The following SLC7A9 variants were observed in gnomAD, a reference collection of about 807,000 sequenced individuals.
The protein encoded by SLC7A9 is B(0,+)-type amino acid transporter 1.
In SLC7A9, 38 loss-of-function variants were observed where a neutral mutation model predicts 54.1. The observed-to-expected ratio is 0.70, with a 90% CI of 0.54 to 0.92. The LOEUF (loss-of-function observed/expected upper bound fraction) is 0.92, where lower values mean the gene tolerates loss of function less well. SLC7A9 is among the 40% of genes least tolerant of loss of function. The pLI is 0.00. For missense variants in SLC7A9, 537 were observed against 636.1 expected (o/e 0.84, Z 1.68); for synonymous variants, 264 against 258.9 (o/e 1.02, Z -0.19).
chr19:32,859,717 C>T, intron 8 of SLC7A9, 124 bp downstream of exon 8: 1 of 896,146 alleles, frequency 1.1e-6, no homozygotes. Context: ...CGTGCCCAGT[C>T]CATGTCCCCG....
At chr19:32,852,361 G>A (rs914661425) in intron 9 of SLC7A9, among the ~76,000 whole-genome samples, 3 of 151,816 alleles carry the variant, frequency 2.0e-5, no homozygotes, top group South Asian at 4.2e-4. Flanking sequence ...ATGGTGGCAC[G>A]TGCCTGTGGT....
chr19:32,846,700 G>C (rs537163319), intron 9 of SLC7A9, among the ~76,000 whole-genome samples: 1 of 152,254 alleles, frequency 6.6e-6, no homozygotes, highest in Non-Finnish European at 1.5e-5. Flanking sequence ...CTGGAGATCT[G>C]AGAATGGGCA....
At chr19:32,851,414 GA>G (rs1429303206) in intron 9 of SLC7A9, among the ~76,000 whole-genome samples, 1 of 151,818 alleles carries the variant, frequency 6.6e-6, no homozygotes, top group African/African-American at 2.4e-5. Context: ...AAAGACACAT[GA>G]AAAAATGCTC....
chr19:32,830,714 T>C (rs757083106), intron 12 of SLC7A9, 30 bp from the exon 13 acceptor site: 1 of 1,582,492 alleles, frequency 6.3e-7, no homozygotes, highest in Non-Finnish European at 8.7e-7. Flanking sequence ...TGAGTACAGT[T>C]AGTTAGACTG....
chr19:32,862,677 T>TA (rs1407667127), intron 4 of SLC7A9, 91 bp from the exon 5 acceptor site: 56 of 1,241,096 alleles, frequency 4.5e-5, no homozygotes, highest in Non-Finnish European at 5.5e-5. Flanking sequence ...TATTTTTTTT[T>TA]TTTTTTGAGA....
chr19:32,864,000 C>T (rs1429188150), intron 4 of SLC7A9, 96 bp downstream of exon 4: 2 of 1,589,456 alleles, frequency 1.3e-6, no homozygotes, highest in African/African-American at 2.7e-5. Flanking sequence ...CCTGGGCTCT[C>T]ACCAGAGACT....
intron 9 of SLC7A9, among the ~76,000 whole-genome samples, chr19:32,848,630 CAG>C (rs1157360858): frequency 3.3e-5 from 5 of 152,304 alleles, no homozygotes; most frequent in African/African-American, 1.2e-4. Context: ...ATCAACAAGA[CAG>C]AAAGTTAACA....
In SLC7A9 at chr19:32,864,708, G is replaced by A. The variant is rs753064111; in HGVS notation, c.156C>T (p.Pro52=). 156 of 1,614,050 alleles carry A rather than the reference G, an allele frequency of 9.7e-5. No homozygotes were observed. The highest frequency in any genetic ancestry group is 1.3e-4 in the Non-Finnish European group (149 of 1,180,030). ...CTTCCGTGTTGCTGAGCACAGACTT[G>A]GGGGAAACGAAGATCCCAGAGCCAA... is the stretch of plus-strand genomic sequence containing the variant. ...TIIGSGIFVS[P]KSVLSNTEAV... The change falls in exon 3 of 13, where the codon CCC becomes CCT. Residue 52 remains proline (P), a synonymous_variant. Coordinates refer to ENST00000023064, the MANE Select transcript of SLC7A9 (RefSeq NM_014270.5).
intron 9 of SLC7A9, among the ~76,000 whole-genome samples, chr19:32,856,061 C>G (rs977202826): frequency 1.3e-5 from 2 of 152,032 alleles, no homozygotes; most frequent in African/African-American, 4.8e-5. Context: ...GAAGAGGGGC[C>G]TGGGATGGCA....
intron 11 of SLC7A9, among the ~76,000 whole-genome samples, chr19:32,834,859 T>C (rs1271971082): frequency 6.6e-6 from 1 of 152,104 alleles, no homozygotes; most frequent in African/African-American, 2.4e-5. Context: ...GGCGTGATCT[T>C]GGCTCACTGC....
chr19:32,854,339 G>A lies in SLC7A9; in HGVS notation c.977+4101C>T, dbSNP rs150939364. Among the ~76,000 whole-genome samples, 4 of 152,106 alleles carry A rather than the reference G, an allele frequency of 2.6e-5. No homozygotes were observed. The East Asian group carries it at 7.8e-4, about 30-fold the overall frequency. The stretch of plus-strand genomic sequence containing the variant: ...TGGAAGACTCAGTACTTTTAAGACA[G>A]CAGAGTCTTCCCCCAGTTGATCTAT... On this transcript the variant is annotated intron_variant, in intron 9 of 12. Coordinates refer to ENST00000023064, the MANE Select transcript of SLC7A9 (RefSeq NM_014270.5).
chr19:32,864,154 G>A lies in SLC7A9; in HGVS notation c.420C>T (p.Phe140=). ...LSFSEYVCAP[F]YVGCKPPQIV... ...TTTGAGGAGGCTTGCAGCCCACATA[G>A]AAGGGCGCACACACATACTCGGAGA... is the stretch of plus-strand genomic sequence containing the variant. The change falls in exon 4 of 13, where the codon TTC becomes TTT. Residue 140 remains phenylalanine, a synonymous_variant. Transcript: ENST00000023064. 1 of 1,614,204 alleles carries A rather than the reference G, an allele frequency of 6.2e-7. No homozygotes were observed. The highest frequency in any genetic ancestry group is 1.1e-5 in the South Asian group (1 of 91,082).
rs146699292 is a variant in SLC7A9 at position 32,862,452 on chromosome 19, G to A, written c.604+9C>T. ...GTGCCCGTGCAGGGCCCACCCTCCC[G>A]TGGGTCACCTTGGGCCAGGAGCACC... On this transcript the variant is annotated intron_variant, in intron 5 of 12. Transcript: ENST00000023064. The A allele has an allele frequency of 2.4e-5, 39 of 1,612,666 alleles. No individual in the cohort carries two copies. In the African/African-American group the frequency reaches 3.5e-4, roughly 14 times the overall value.
At chr19:32,850,715 A>C (rs562345460) in intron 9 of SLC7A9, among the ~76,000 whole-genome samples, 3,363 of 152,326 alleles carry the variant, frequency 0.022, 122 homozygotes, top group African/African-American at 0.076. Flanking sequence ...TGCATTGCCA[A>C]GTCAATCCTA....
chr19:32,862,431 C>T (rs1968827375), intron 5 of SLC7A9, 30 bp downstream of exon 5: 1 of 1,612,102 alleles, frequency 6.2e-7, no homozygotes. Flanking sequence ...TGGTGTGTGC[C>T]CGTGCAGGGC....
At chr19:32,865,191 G>A (rs1968932072) in intron 2 of SLC7A9, among the ~76,000 whole-genome samples, 1 of 152,226 alleles carries the variant, frequency 6.6e-6, no homozygotes, top group African/African-American at 2.4e-5. Flanking sequence ...ACGCCTCTGA[G>A]CCTAGAGTCC....
chr19:32,841,344 G>A (rs1467535777), intron 11 of SLC7A9, among the ~76,000 whole-genome samples: 2 of 152,102 alleles, frequency 1.3e-5, no homozygotes, highest in Non-Finnish European at 2.9e-5. Context: ...GGGAGTGAGA[G>A]GGAGCCCGAA....
chr19:32,869,605 C>A (rs893361075), intron 1 of SLC7A9, 81 bp downstream of exon 1: 2 of 152,176 alleles, frequency 1.3e-5, no homozygotes, highest in African/African-American at 4.8e-5. Flanking sequence ...CACTCCTGTA[C>A]CCTCTCTCTA....
chr19:32,861,592 G>C (rs1968800892), intron 6 of SLC7A9, among the ~76,000 whole-genome samples: 1 of 152,120 alleles, frequency 6.6e-6, no homozygotes, highest in Non-Finnish European at 1.5e-5. Context: ...AGAGAGAATT[G>C]CTTGAGTGTA....
Sources: allele counts gnomAD v4.1 joint callset (sites outside exome capture counted in the v4.1 genomes callset), GRCh38; gene constraint gnomAD v4.1.1; transcripts MANE v1.5; gene names NCBI Gene and HGNC (gene_info 2026-07-23, HGNC 2026-07-21).